The following TMEM272 variants were observed in gnomAD, a reference collection of about 807,000 sequenced individuals.
TMEM272 encodes long intergenic non-protein coding RNA 282.
A neutral mutation model predicts 3.7 loss-of-function variants in TMEM272; 8 were observed. The observed-to-expected ratio is 2.17, with a 90% confidence interval of 1.27 to 3.91. The LOEUF is 3.91. Ranked by LOEUF, TMEM272 falls within the 30% of genes most tolerant of loss-of-function variation. The pLI is 0.00. For synonymous variants in TMEM272, 63 were observed against 39.8 expected, an observed-to-expected ratio of 1.58 and a Z score of -2.20; for missense variants, 166 against 91.5, an observed-to-expected ratio of 1.81 and a Z score of -3.32.
At chr13:51,865,287 T>G in the TMEM272 span, 10 of 1,034,668 alleles carry the variant, frequency 9.7e-6, no homozygotes, top group South Asian at 6.5e-5. Context: ...GGCCGTCCCC[T>G]GGCATGTGAT....
At chr13:51,852,194 A>G in the TMEM272 span, among the ~76,000 whole-genome samples, 4 of 152,254 alleles carry the variant, frequency 2.6e-5, no homozygotes, top group Non-Finnish European at 4.4e-5. Flanking sequence ...AGTTTGATCG[A>G]TGAGAAATGC....
At chr13:51,830,722 G>C (rs1443288924) in intron 2 of TMEM272, among the ~76,000 whole-genome samples, 1 of 152,144 alleles carries the variant, frequency 6.6e-6, no homozygotes, top group Non-Finnish European at 1.5e-5. Flanking sequence ...AACAGGTGAG[G>C]TATACACTGT....
At chr13:51,857,611 C>T in the TMEM272 span, among the ~76,000 whole-genome samples, 1 of 151,686 alleles carries the variant, frequency 6.6e-6, no homozygotes, top group African/African-American at 2.4e-5. Context: ...ATTATAATCT[C>T]CAGGATAATT....
the TMEM272 span, among the ~76,000 whole-genome samples, chr13:51,853,509 T>G: frequency 6.6e-6 from 1 of 152,000 alleles, no homozygotes; most frequent in Non-Finnish European, 1.5e-5. Flanking sequence ...TCACATTGAG[T>G]AGGTTGAGAA....
chr13:51,815,944 C>T lies in TMEM272; in HGVS notation c.*807G>A, dbSNP rs1956019220. 6.6e-6 allele frequency: 1 copy of T among 152,296 alleles called. No homozygotes were observed. The highest frequency in any genetic ancestry group is 1.5e-5 in the Non-Finnish European group (1 of 68,094). The allele number at this position is 152,296 out of a possible 1,614,324, so 9.4% of individuals were successfully genotyped here. A position where few individuals can be genotyped will look rare whatever the true frequency, so the allele number is the denominator to read the frequency against. On this transcript the variant is annotated 3_prime_UTR_variant, in exon 5 of 5. Coordinates refer to ENST00000629372, the MANE Select transcript of TMEM272 (RefSeq NM_001351003.2). ...CCAACTCATGCAACCTGTCCAGAAA[C>T]ATACAAAACTGGTTTATGCCACCCA...
At chr13:51,872,206 A>T in the TMEM272 span, among the ~76,000 whole-genome samples, 1 of 152,246 alleles carries the variant, frequency 6.6e-6, no homozygotes, top group African/African-American at 2.4e-5. Flanking sequence ...ATTAATATCC[A>T]TAGAGAGATA....
At chr13:51,891,797 GAA>G in the TMEM272 span, among the ~76,000 whole-genome samples, 3 of 152,186 alleles carry the variant, frequency 2.0e-5, no homozygotes, top group Non-Finnish European at 4.4e-5. Flanking sequence ...TGAGTATTTG[GAA>G]AGAGTATTTG....
the TMEM272 span, chr13:51,910,503 G>C: frequency 1.3e-6 from 1 of 747,760 alleles, no homozygotes; most frequent in Non-Finnish European, 2.5e-6. Context: ...CAATTCCCAT[G>C]GAAAACCATA....
chr13:51,922,010 AAACAT>A, the TMEM272 span, among the ~76,000 whole-genome samples: 5 of 152,064 alleles, frequency 3.3e-5, no homozygotes, highest in African/African-American at 1.2e-4. Context: ...GTGCTTTTTA[AAACAT>A]AACTGTCAAG....
rs139390540 is a variant in TMEM272 at position 51,815,257 on chromosome 13, G to A, written c.*1494C>T. 6.5e-6 allele frequency: 1 copy of A among 152,764 alleles called. No homozygotes were observed. The highest frequency in any genetic ancestry group is 1.5e-5 in the Non-Finnish European group (1 of 68,070). The allele number at this position is 152,764 out of a possible 1,614,324, so 9.5% of individuals were successfully genotyped here. A position where few individuals can be genotyped will look rare whatever the true frequency, so the allele number is the denominator to read the frequency against. On this transcript the variant is annotated 3_prime_UTR_variant, in exon 5 of 5. Coordinates refer to ENST00000629372, the MANE Select transcript of TMEM272 (RefSeq NM_001351003.2). ...AAATGAAAACAGAAACTGCCCTTAGGGACAGGGGCAAAAAAAGGGCTGTTC... is the reference window on the plus strand; with the variant it reads ...AAATGAAAACAGAAACTGCCCTTAGAGACAGGGGCAAAAAAAGGGCTGTTC...
chr13:51,860,818 A>T, the TMEM272 span, among the ~76,000 whole-genome samples: 1 of 144,200 alleles, frequency 6.9e-6, no homozygotes, highest in African/African-American at 2.6e-5. Flanking sequence ...TATATATAGA[A>T]GTGTGTGTGT....
chr13:51,911,442 A>G, the TMEM272 span, among the ~76,000 whole-genome samples: 26,314 of 152,138 alleles, frequency 0.17, 2,848 homozygotes, highest in African/African-American at 0.31. Context: ...TCCATCAAAC[A>G]TACCTGCTCT....
the TMEM272 span, among the ~76,000 whole-genome samples, chr13:51,886,334 T>C: frequency 5.9e-5 from 9 of 152,376 alleles, no homozygotes; most frequent in Non-Finnish European, 7.3e-5. Context: ...TATTCACATT[T>C]GTTGAACAGT....
chr13:51,856,410 C>A, the TMEM272 span, among the ~76,000 whole-genome samples: 1 of 152,104 alleles, frequency 6.6e-6, no homozygotes, highest in East Asian at 1.9e-4. Flanking sequence ...TAATCCTAAT[C>A]TTGTGGCCTT....
chr13:51,835,555 T>C (rs1956209984), intron 2 of TMEM272, among the ~76,000 whole-genome samples: 1 of 152,218 alleles, frequency 6.6e-6, no homozygotes, highest in Admixed American at 6.5e-5. Context: ...CATAAATATG[T>C]AGCTTTATAG....
chr13:51,831,358 A>G (rs1241547262), intron 2 of TMEM272, among the ~76,000 whole-genome samples: 1 of 152,078 alleles, frequency 6.6e-6, no homozygotes, highest in Non-Finnish European at 1.5e-5. Flanking sequence ...CAGGAGTTCA[A>G]GTCTGTAGTG....
At chr13:51,885,283 C>T in the TMEM272 span, among the ~76,000 whole-genome samples, 1 of 152,282 alleles carries the variant, frequency 6.6e-6, no homozygotes, top group African/African-American at 2.4e-5. Flanking sequence ...TGAAAGAATA[C>T]CTGAGACTGG....
At chr13:51,914,982 A>C in the TMEM272 span, among the ~76,000 whole-genome samples, 1 of 152,262 alleles carries the variant, frequency 6.6e-6, no homozygotes, top group East Asian at 1.9e-4. Context: ...TTCCTTAAGA[A>C]AAGAAGGATA....
the TMEM272 span, among the ~76,000 whole-genome samples, chr13:51,916,921 C>A: frequency 1.3e-5 from 2 of 152,212 alleles, no homozygotes; most frequent in Non-Finnish European, 2.9e-5. Context: ...TCCTCAGGCT[C>A]TGGGAAGCTG....
Sources: allele counts gnomAD v4.1 joint callset (sites outside exome capture counted in the v4.1 genomes callset), GRCh38; gene constraint gnomAD v4.1.1; transcripts MANE v1.5; gene names NCBI Gene and HGNC (gene_info 2026-07-23, HGNC 2026-07-21).